The following ASAP2 variants were observed in gnomAD, a reference collection of about 807,000 sequenced individuals.
ASAP2 encodes the protein ArfGAP with SH3 domain, ankyrin repeat and PH domain 2.
Under a neutral mutation model 131.4 loss-of-function variants are expected in ASAP2, and 45 were observed. That is an observed-to-expected ratio of 0.34 (90% CI 0.27 to 0.44). ASAP2 has a LOEUF of 0.44. Ranked by LOEUF, ASAP2 falls within the 20% of genes least tolerant of loss-of-function variation. ASAP2 has a pLI of 1.00. For synonymous variants in ASAP2, 510 were observed against 503.0 expected (o/e 1.01, Z -0.19); for missense variants, 1,011 against 1,297.0 (o/e 0.78, Z 3.39).
At position 9,300,059 on chromosome 2, in the gene ASAP2, C is replaced by G. The variant is rs551703648; in HGVS notation, c.345+2614C>G. On this transcript the variant is annotated intron_variant, in intron 3 of 27. Transcript: ENST00000281419. ...CCAGCCTGGGCAACATGGGGAACCC[C>G]TGTTTCTACAAAAAAATACAAAACT... Among the ~76,000 whole-genome samples, 15 of 152,312 alleles carry G rather than the reference C, an allele frequency of 9.8e-5. No homozygotes were observed. In the East Asian group the frequency reaches 2.9e-3, roughly 29 times the overall value.
At chr2:9,328,911 G>T (rs1266918891) in intron 7 of ASAP2, among the ~76,000 whole-genome samples, 6 of 152,226 alleles carry the variant, frequency 3.9e-5, no homozygotes, top group Non-Finnish European at 8.8e-5. Flanking sequence ...ATCTAAGAAA[G>T]AATATAATAC....
intron 19 of ASAP2, among the ~76,000 whole-genome samples, chr2:9,379,916 C>T (rs557451127): frequency 1.1e-4 from 16 of 150,572 alleles, no homozygotes; most frequent in South Asian, 2.1e-4. Context: ...CACTTGAACC[C>T]GGGAGGCGGA....
At position 9,388,388 on chromosome 2, in the gene ASAP2, C is replaced by T; in HGVS notation, c.2225C>T (p.Ala742Val). The part of the protein sequence containing the change: ...QSNAVSLARD[A>V]ANLAKEKQRA... ...AACGCTGTATCTTTGGCCAGAGATGCTGCAAACCTTGCCAAGGAGAAGCAG... is the reference window on the plus strand; with the variant it reads ...AACGCTGTATCTTTGGCCAGAGATGTTGCAAACCTTGCCAAGGAGAAGCAG... Residue 742 changes from alanine to valine, a missense_variant, in exon 22 of 28, where the codon GCT becomes GTT. By Grantham distance (64) the Ala-to-Val change is moderately conservative (BLOSUM62 0). This residue lies in a region of ASAP2 where 652 missense variants were observed against 698.9 expected (regional missense o/e 0.93). Coordinates refer to ENST00000281419, the MANE Select transcript of ASAP2 (RefSeq NM_003887.3). 2 of 1,614,196 alleles carry T rather than the reference C, an allele frequency of 1.2e-6. No homozygotes were observed. The highest frequency in any genetic ancestry group is 1.7e-6 in the Non-Finnish European group (2 of 1,180,028).
intron 1 of ASAP2, among the ~76,000 whole-genome samples, chr2:9,228,901 A>C (rs1282492682): frequency 1.3e-5 from 2 of 152,128 alleles, no homozygotes; most frequent in African/African-American, 4.8e-5. Flanking sequence ...ATTTCCTGTC[A>C]AATTTCTGTG....
chr2:9,234,251 C>T (rs1386067091), intron 1 of ASAP2, among the ~76,000 whole-genome samples: 1 of 152,154 alleles, frequency 6.6e-6, no homozygotes, highest in Admixed American at 6.5e-5. Flanking sequence ...ATTTGTGCTG[C>T]CTCTCAGCTT....
rs1675462492 is a variant in ASAP2, at chr2:9,388,462, C to T, written c.2299C>T (p.Leu767=). 6.2e-7 allele frequency: 1 copy of T among 1,614,036 alleles called. No homozygotes were observed. The highest frequency in any genetic ancestry group is 1.7e-5 in the Admixed American group (1 of 59,998). ...GCAGAATGAGACTTACGGAGCCCTC[C>T]TGAGTGGCAGCCCACCTCCCGCCCA... The part of the protein sequence containing the change: ...ILQNETYGAL[L]SGSPPPAQPA... The change falls in exon 22 of 28, where the codon CTG becomes TTG. Residue 767 remains leucine, a synonymous_variant. Coordinates refer to ENST00000281419, the MANE Select transcript of ASAP2 (RefSeq NM_003887.3).
At chr2:9,378,190 G>A (rs1047311708) in intron 18 of ASAP2, among the ~76,000 whole-genome samples, 2 of 152,158 alleles carry the variant, frequency 1.3e-5, no homozygotes, top group Non-Finnish European at 2.9e-5. Context: ...GCCACTTCCT[G>A]AGATCGCCTT....
At chr2:9,221,004 G>C (rs1662375580) in intron 1 of ASAP2, among the ~76,000 whole-genome samples, 1 of 152,072 alleles carries the variant, frequency 6.6e-6, no homozygotes, top group African/African-American at 2.4e-5. Flanking sequence ...CTGTTCCATT[G>C]ATCTTTATGC....
chr2:9,280,833 T>C (rs1667086059), intron 2 of ASAP2, among the ~76,000 whole-genome samples: 2 of 152,240 alleles, frequency 1.3e-5, no homozygotes, highest in African/African-American at 4.8e-5. Flanking sequence ...TTACTGTGTA[T>C]CTTGTGCTTT....
rs1290086107 is a variant in ASAP2 at position 9,403,825 on chromosome 2, C to T, written c.*498C>T. 6.5e-6 allele frequency: 1 copy of T among 154,796 alleles called. No individual in the cohort carries two copies. The highest frequency in any genetic ancestry group is 1.4e-5 in the Non-Finnish European group (1 of 69,828). The allele number at this position is 154,796 out of a possible 1,614,324, so 9.6% of individuals were successfully genotyped here. A position where few individuals can be genotyped will look rare whatever the true frequency, so the allele number is the denominator to read the frequency against. On this transcript the variant is annotated 3_prime_UTR_variant, in exon 28 of 28. Coordinates refer to ENST00000281419, the MANE Select transcript of ASAP2 (RefSeq NM_003887.3). ...AAGACACACATTCCTTTGAAATCCACCCAGTGTTTAAAAAGCAACTTGGAA... is the reference window on the plus strand; with the variant it reads ...AAGACACACATTCCTTTGAAATCCATCCAGTGTTTAAAAAGCAACTTGGAA...
chr2:9,346,435 C>CAAA (rs879767444), intron 11 of ASAP2, among the ~76,000 whole-genome samples: 2 of 98,082 alleles, frequency 2.0e-5, no homozygotes, highest in Non-Finnish European at 2.2e-5. Flanking sequence ...GACTCCATCT[C>CAAA]AAAAAAAAAA....
intron 23 of ASAP2, 112 bp from the exon 24 acceptor site, chr2:9,393,370 T>A (rs1675864463): frequency 1.0e-6 from 1 of 994,364 alleles, no homozygotes; most frequent in South Asian, 1.9e-5. Flanking sequence ...GGTTTTTCCT[T>A]AGGAAATAGC....
chr2:9,269,646 C>T (rs1325337981), intron 1 of ASAP2, among the ~76,000 whole-genome samples: 1 of 152,226 alleles, frequency 6.6e-6, no homozygotes, highest in Non-Finnish European at 1.5e-5. Flanking sequence ...CAGTGGGGCC[C>T]ATGAACGGAG....
intron 14 of ASAP2, among the ~76,000 whole-genome samples, chr2:9,357,879 A>G (rs1382101450): frequency 1.3e-5 from 2 of 152,258 alleles, no homozygotes; most frequent in East Asian, 1.9e-4. Context: ...TCTCAGGGCA[A>G]CAAACAGTTC....
chr2:9,333,421 TA>T (rs1333659548), intron 7 of ASAP2, among the ~76,000 whole-genome samples: 2 of 152,230 alleles, frequency 1.3e-5, no homozygotes, highest in Non-Finnish European at 2.9e-5. Context: ...TCTGAGAAAG[TA>T]TAAGAAGGCC....
chr2:9,229,160 A>G (rs1209652001), intron 1 of ASAP2, among the ~76,000 whole-genome samples: 1 of 152,106 alleles, frequency 6.6e-6, no homozygotes, highest in Admixed American at 6.5e-5. Context: ...CCCCCCCCGC[A>G]TCATCACACT....
At chr2:9,380,267 G>A (rs766213005) in intron 19 of ASAP2, among the ~76,000 whole-genome samples, 8 of 151,974 alleles carry the variant, frequency 5.3e-5, no homozygotes, top group Non-Finnish European at 8.8e-5. Flanking sequence ...GCACAATCTC[G>A]GCTCACTGCA....
At chr2:9,256,419 A>G (rs2148170980) in intron 1 of ASAP2, among the ~76,000 whole-genome samples, 1 of 33,504 alleles carries the variant, frequency 3.0e-5, no homozygotes, top group Middle Eastern at 0.015. Context: ...TGCTGTGCCA[A>G]TGATGATGCT....
intron 1 of ASAP2, chr2:9,271,655 A>T (rs1656839116): frequency 1.2e-5 from 10 of 820,688 alleles, no homozygotes; most frequent in Non-Finnish European, 9.1e-6. Context: ...TTCTCGGTGG[A>T]AATGGTCTGC....
Sources: gnomAD v4.1 joint callset for allele counts (sites outside exome capture counted in the v4.1 genomes callset) on GRCh38, gnomAD v4.1.1 for gene constraint, gnomAD v4.1.1 regional missense constraint, MANE v1.5 for transcripts, NCBI Gene and HGNC (gene_info 2026-07-23, HGNC 2026-07-21) for gene names.